Variants in SHTN1 observed in about 807,000 individuals in gnomAD.
The protein encoded by SHTN1 is shootin-1.
In SHTN1, 42 loss-of-function variants were observed where a neutral mutation model predicts 83.1. The ratio of observed to expected loss-of-function variants is 0.51; its 90% CI spans 0.39 to 0.65. The LOEUF (loss-of-function observed/expected upper bound fraction) is 0.65. Ranked by LOEUF, SHTN1 falls within the 30% of genes least tolerant of loss-of-function variation. SHTN1 has a pLI of 0.00. For synonymous variants in SHTN1, 224 were observed against 247.7 expected (o/e 0.90, Z 0.90); for missense variants, 622 against 737.8 (o/e 0.84, Z 1.82).
chr10:117,013,508 G>T (rs938163928), intron 2 of SHTN1, among the ~76,000 whole-genome samples: 8 of 152,092 alleles, frequency 5.3e-5, no homozygotes, highest in African/African-American at 1.7e-4. Flanking sequence ...ATAAGCACAT[G>T]AAAAGATGCT....
At chr10:116,965,645 A>G (rs1312556529) in intron 3 of SHTN1, among the ~76,000 whole-genome samples, 1 of 152,252 alleles carries the variant, frequency 6.6e-6, no homozygotes, top group African/African-American at 2.4e-5. Flanking sequence ...CCCTAAAGGT[A>G]AATGATATGA....
intron 3 of SHTN1, among the ~76,000 whole-genome samples, chr10:116,960,580 A>G (rs191919162): frequency 6.6e-6 from 1 of 152,238 alleles, no homozygotes; most frequent in Non-Finnish European, 1.5e-5. Context: ...TCATAAATAA[A>G]GAGGAGTGAC....
intron 2 of SHTN1, among the ~76,000 whole-genome samples, chr10:117,034,571 G>A (rs570957132): frequency 2.0e-5 from 3 of 152,162 alleles, no homozygotes; most frequent in Admixed American, 2.0e-4. Context: ...AACCTGGGAG[G>A]TGGAGGTTGC....
chr10:116,978,675 TGTAAG>T (rs1850900390), intron 2 of SHTN1, among the ~76,000 whole-genome samples: 1 of 152,028 alleles, frequency 6.6e-6, no homozygotes, highest in South Asian at 2.1e-4. Flanking sequence ...GGATATAGTT[TGTAAG>T]GTAAGTAGAA....
intron 1 of SHTN1, among the ~76,000 whole-genome samples, chr10:117,102,023 A>T (rs1589933082): frequency 6.6e-6 from 1 of 152,008 alleles, no homozygotes; most frequent in South Asian, 2.1e-4. Context: ...AAAAAGAAGA[A>T]GAAGAAGAAG....
At chr10:116,899,685 A>G (rs1847662562) in intron 16 of SHTN1, among the ~76,000 whole-genome samples, 1 of 152,250 alleles carries the variant, frequency 6.6e-6, no homozygotes, top group Non-Finnish European at 1.5e-5. Context: ...TGGTGTTGCC[A>G]CAGACAAAAT....
chr10:116,963,422 T>C (rs1295117356), intron 3 of SHTN1, among the ~76,000 whole-genome samples: 1 of 152,064 alleles, frequency 6.6e-6, no homozygotes, highest in East Asian at 1.9e-4. Flanking sequence ...ATTTGCCCTA[T>C]GGTTCTGAAT....
At chr10:116,935,301 T>G (rs1392763843) in intron 9 of SHTN1, among the ~76,000 whole-genome samples, 2 of 152,222 alleles carry the variant, frequency 1.3e-5, no homozygotes, top group African/African-American at 4.8e-5. Context: ...GGCAGTGGGT[T>G]TGTCATAAAT....
intron 7 of SHTN1, among the ~76,000 whole-genome samples, chr10:116,947,046 CA>C (rs1324728267): frequency 6.6e-6 from 1 of 152,014 alleles, no homozygotes; most frequent in African/African-American, 2.4e-5. Flanking sequence ...AAGTGTTCTC[CA>C]TATTTACAAA....
At chr10:117,065,854 AAAGGAGGG>A (rs1852990680) in intron 1 of SHTN1, among the ~76,000 whole-genome samples, 1 of 45,282 alleles carries the variant, frequency 2.2e-5, no homozygotes, top group African/African-American at 8.9e-5. Flanking sequence ...GGAAGGAAGG[AAAGGAGGG>A]AGGGAGGGAG....
chr10:116,990,376 T>G (rs1432738550), intron 1 of SHTN1, among the ~76,000 whole-genome samples: 4 of 151,420 alleles, frequency 2.6e-5, no homozygotes, highest in Non-Finnish European at 5.9e-5. Flanking sequence ...TTTGAGAGCT[T>G]GGCTTTTGCA....
At chr10:117,051,227 A>T (rs1435522591) in intron 1 of SHTN1, among the ~76,000 whole-genome samples, 1 of 152,194 alleles carries the variant, frequency 6.6e-6, no homozygotes, top group East Asian at 1.9e-4. Context: ...ATCTCAATAG[A>T]CCTATAACAT....
chr10:117,038,754 C>T (rs183961346), intron 2 of SHTN1, among the ~76,000 whole-genome samples: 16 of 152,190 alleles, frequency 1.1e-4, no homozygotes, highest in Non-Finnish European at 1.8e-4. Flanking sequence ...CATCAAATAT[C>T]ATCAGGGAAA....
intron 11 of SHTN1, among the ~76,000 whole-genome samples, chr10:116,924,999 G>A (rs1057514786): frequency 4.6e-5 from 7 of 151,762 alleles, no homozygotes; most frequent in Non-Finnish European, 7.4e-5. Context: ...CTTGTGATCC[G>A]CCCGCCTCGG....
intron 1 of SHTN1, among the ~76,000 whole-genome samples, chr10:116,990,567 T>C (rs1466470529): frequency 6.6e-6 from 1 of 152,196 alleles, no homozygotes; most frequent in African/African-American, 2.4e-5. Context: ...TGAGGGTCTT[T>C]ACTTTCTTAG....
At chr10:117,053,075 T>C (rs1351660990) in intron 1 of SHTN1, among the ~76,000 whole-genome samples, 1 of 149,982 alleles carries the variant, frequency 6.7e-6, no homozygotes, top group Non-Finnish European at 1.5e-5. Context: ...CTCATAGCAT[T>C]TACAAATATT....
At chr10:116,898,630 T>C (rs1232444465) in intron 16 of SHTN1, among the ~76,000 whole-genome samples, 1 of 152,176 alleles carries the variant, frequency 6.6e-6, no homozygotes, top group African/African-American at 2.4e-5. Flanking sequence ...ATATACTTAT[T>C]AGACATAATT....
chr10:117,078,920 C>G (rs1004871615), intron 1 of SHTN1, among the ~76,000 whole-genome samples: 2 of 151,998 alleles, frequency 1.3e-5, no homozygotes, highest in African/African-American at 4.8e-5. Flanking sequence ...CCATAATTAT[C>G]CTTACAATGT....
intron 2 of SHTN1, chr10:116,973,937 T>C (rs1589858578): frequency 3.9e-6 from 5 of 1,273,284 alleles, no homozygotes; most frequent in East Asian, 5.7e-5. Context: ...GCTCCACCTA[T>C]GTAAGTCTGG....
Sources: gnomAD v4.1 joint callset for allele counts (sites outside exome capture counted in the v4.1 genomes callset) on GRCh38, gnomAD v4.1.1 for gene constraint, MANE v1.5 for transcripts, NCBI Gene and HGNC (gene_info 2026-07-23, HGNC 2026-07-21) for gene names.